FBXL17: variants seen among roughly 807,000 people sequenced by gnomAD.
FBXL17 encodes the protein F-box and leucine rich repeat protein 17, also known as F-box/LRR-repeat protein 17.
FBXL17 carries 22 observed loss-of-function variants against 66.2 expected under a neutral mutation model. The ratio of observed to expected loss-of-function variants is 0.33; its 90% confidence interval spans 0.24 to 0.47. The LOEUF (loss-of-function observed/expected upper bound fraction) is 0.47. Among genes scored for constraint, FBXL17 ranks in the 20% least tolerant of loss-of-function variants. FBXL17 has a pLI of 1.00. For synonymous variants in FBXL17, 474 were observed against 400.5 expected (o/e 1.18, Z -2.19); for missense variants, 878 against 948.2 (o/e 0.93, Z 0.97).
In FBXL17 at chr5:108,074,016, T is replaced by C. The variant is rs114298424; in HGVS notation, c.1746-53015A>G. The stretch of plus-strand genomic sequence containing the variant: ...CTGGCCAAGGCTCCACTCTCCCCCA[T>C]AGCCTCTTGACTCTATAACCTGATT... On this transcript the variant is annotated intron_variant, in intron 6 of 8. Coordinates refer to ENST00000542267, the MANE Select transcript of FBXL17 (RefSeq NM_001163315.3). Among the ~76,000 whole-genome samples, 836 of 152,296 alleles carry C rather than the reference T, an allele frequency of 5.5e-3. 6 individuals are homozygous for C. The highest frequency in any genetic ancestry group is 0.019 in the African/African-American group (795 of 41,580).
intron 5 of FBXL17, 106 bp downstream of exon 5, chr5:108,224,015 T>G: frequency 2.3e-6 from 1 of 440,006 alleles, no homozygotes; most frequent in East Asian, 3.4e-5. Flanking sequence ...ATTAGTAGGC[T>G]TCTATAATGG....
intron 7 of FBXL17, among the ~76,000 whole-genome samples, chr5:107,951,201 T>C (rs552889920): frequency 2.6e-5 from 4 of 152,338 alleles, no homozygotes; most frequent in South Asian, 2.1e-4. Flanking sequence ...CTGATGCACA[T>C]GGCATAAACA....
chr5:107,885,618 T>G lies in FBXL17; in HGVS notation c.1823-4439A>C, dbSNP rs533747039. 1.7e-4 allele frequency among the ~76,000 whole-genome samples: 26 copies of G among 152,336 alleles called. 1 individual carries two copies. Among genetic ancestry groups the G allele is most frequent in the South Asian group, 8.3e-4 (4 of 4,830 alleles). ...TAAGGAAAATCCCTAGGAATTAATTTGGAATGATTTTCAAATCATTAAGTA... is the reference window on the plus strand; with the variant it reads ...TAAGGAAAATCCCTAGGAATTAATTGGGAATGATTTTCAAATCATTAAGTA... On this transcript the variant is annotated intron_variant, in intron 7 of 8. Transcript: ENST00000542267.
At chr5:107,979,670 T>C (rs781562751) in intron 7 of FBXL17, among the ~76,000 whole-genome samples, 1 of 152,170 alleles carries the variant, frequency 6.6e-6, no homozygotes, top group South Asian at 2.1e-4. Flanking sequence ...AGTATGAATC[T>C]ATTATAGGGG....
intron 3 of FBXL17, among the ~76,000 whole-genome samples, chr5:108,358,245 T>C (rs774454023): frequency 8.5e-5 from 13 of 152,208 alleles, no homozygotes; most frequent in Non-Finnish European, 1.9e-4. Context: ...CAGGCATTCT[T>C]GTCTTATTCT....
chr5:108,102,921 A>G (rs1268610056), intron 6 of FBXL17, among the ~76,000 whole-genome samples: 1 of 152,214 alleles, frequency 6.6e-6, no homozygotes, highest in Non-Finnish European at 1.5e-5. Context: ...TTATTATTCT[A>G]AACACTGTAA....
At chr5:108,181,041 A>G (rs866747043) in intron 6 of FBXL17, among the ~76,000 whole-genome samples, 1 of 152,184 alleles carries the variant, frequency 6.6e-6, no homozygotes, top group Admixed American at 6.6e-5. Context: ...GATTTTATTT[A>G]ATTCTTATTA....
intron 4 of FBXL17, among the ~76,000 whole-genome samples, chr5:108,272,055 C>T (rs1757293604): frequency 6.6e-6 from 1 of 152,098 alleles, no homozygotes. Flanking sequence ...CTTTGGGAGG[C>T]CGAGATGGGA....
chr5:107,967,954 T>C (rs986538325), intron 7 of FBXL17, among the ~76,000 whole-genome samples: 5 of 152,278 alleles, frequency 3.3e-5, no homozygotes, highest in East Asian at 1.9e-4. Flanking sequence ...CAGGGTGGTA[T>C]TGAAAATAGC....
Position 108,102,078 on chromosome 5 carries a change from C to T in FBXL17, c.1746-81077G>A, listed in dbSNP as rs554136002. Among the ~76,000 whole-genome samples the T allele has an allele frequency of 2.0e-5, 3 of 152,172 alleles. No homozygotes were observed. In the South Asian group the frequency reaches 6.2e-4, roughly 32 times the overall value. ...AGATGAGCTGAATTCGTTTCGGCAGCTTGTACTCTGCCCCAAGAAAGAAGG... is the reference window on the plus strand; with the variant it reads ...AGATGAGCTGAATTCGTTTCGGCAGTTTGTACTCTGCCCCAAGAAAGAAGG... On this transcript the variant is annotated intron_variant, in intron 6 of 8. Transcript: ENST00000542267.
At chr5:107,899,532 A>G (rs1749497060) in intron 7 of FBXL17, among the ~76,000 whole-genome samples, 1 of 152,124 alleles carries the variant, frequency 6.6e-6, no homozygotes, top group Non-Finnish European at 1.5e-5. Flanking sequence ...GCTACTTGGG[A>G]AGGCTGGTGT....
In FBXL17 at chr5:108,119,659, A is replaced by G. The variant is rs368274370; in HGVS notation, c.1745+66458T>C. ...AACATCTGATACTCTAATGAGGAGG[A>G]ATTAGCTGTATAGTAACTTGTTACT... On this transcript the variant is annotated intron_variant, in intron 6 of 8. Coordinates refer to ENST00000542267, the MANE Select transcript of FBXL17 (RefSeq NM_001163315.3). Among the ~76,000 whole-genome samples the G allele has an allele frequency of 2.5e-4, 38 of 152,300 alleles. No individual in the cohort carries two copies. In the South Asian group the frequency reaches 7.7e-3, roughly 31 times the overall value.
At chr5:107,973,428 ATTC>A (rs1315762994) in intron 7 of FBXL17, among the ~76,000 whole-genome samples, 43 of 148,316 alleles carry the variant, frequency 2.9e-4, no homozygotes, top group Middle Eastern at 6.9e-3. Flanking sequence ...GCCCAAGACA[ATTC>A]TTCTTCTTCC....
chr5:108,309,038 A>C (rs1387782243), intron 4 of FBXL17, among the ~76,000 whole-genome samples: 1 of 152,074 alleles, frequency 6.6e-6, no homozygotes. Context: ...CTGGCAAGGC[A>C]ATAGAGAATT....
intron 6 of FBXL17, among the ~76,000 whole-genome samples, chr5:108,050,007 G>A (rs1191493000): frequency 6.9e-6 from 1 of 145,758 alleles, no homozygotes; most frequent in African/African-American, 2.4e-5. Context: ...TTACATAAAG[G>A]TAAAGGGATC....
intron 4 of FBXL17, among the ~76,000 whole-genome samples, chr5:108,336,238 T>C (rs1051747801): frequency 3.9e-5 from 6 of 152,216 alleles, no homozygotes; most frequent in Admixed American, 3.9e-4. Flanking sequence ...GGTGTATTAC[T>C]CTCAAAGCAT....
chr5:108,310,035 T>C (rs994691964), intron 4 of FBXL17, among the ~76,000 whole-genome samples: 1 of 152,140 alleles, frequency 6.6e-6, no homozygotes, highest in African/African-American at 2.4e-5. Flanking sequence ...TATTATTCTA[T>C]AAGTTAAATA....
intron 4 of FBXL17, among the ~76,000 whole-genome samples, chr5:108,259,478 C>T (rs1042105975): frequency 2.6e-5 from 4 of 152,124 alleles, no homozygotes; most frequent in African/African-American, 9.7e-5. Context: ...ACATTCCTGA[C>T]CTGCCAGCTG....
intron 7 of FBXL17, among the ~76,000 whole-genome samples, chr5:107,979,956 A>C (rs546983124): frequency 3.3e-5 from 5 of 152,224 alleles, no homozygotes; most frequent in Non-Finnish European, 7.3e-5. Context: ...TCTAAATATA[A>C]ATGCATCTGG....
Sources: gnomAD v4.1 joint callset for allele counts (sites outside exome capture counted in the v4.1 genomes callset) on GRCh38, gnomAD v4.1.1 for gene constraint, MANE v1.5 for transcripts, NCBI Gene and HGNC (gene_info 2026-07-23, HGNC 2026-07-21) for gene names.